The following RAB28 variants were observed in gnomAD, a reference collection of about 807,000 sequenced individuals.
RAB28 encodes RAB28, member RAS oncogene family, also known as ras-related protein Rab-28.
In RAB28, 24 loss-of-function variants were observed where a neutral mutation model predicts 31.7. The ratio of observed to expected loss-of-function variants is 0.76; its 90% CI spans 0.55 to 1.06. The LOEUF (loss-of-function observed/expected upper bound fraction) is 1.06. Ranked by LOEUF, RAB28 falls within the 50% of genes least tolerant of loss-of-function variation. The pLI is 0.00. For synonymous variants in RAB28, 100 were observed against 90.4 expected (o/e 1.11, Z -0.60); for missense variants, 254 against 258.5 (o/e 0.98, Z 0.12).
intron 6 of RAB28, chr4:13,370,980 C>T (rs1424951857): frequency 2.0e-6 from 2 of 982,850 alleles, no homozygotes; most frequent in African/African-American, 3.5e-5. Context: ...AACCTATCCT[C>T]GCTATCCATG....
In RAB28 at chr4:13,376,519, TTAAATA is replaced by T; in HGVS notation, c.573+20_573+25del. On this transcript the variant is annotated intron_variant, in intron 6 of 6. Coordinates refer to ENST00000330852, the MANE Select transcript of RAB28 (RefSeq NM_001017979.3). ...GCCTTGTAAGAAATTCATTAATTTT[TTAAATA>T]TAAAGTTCAAGGTAATCACCTGTGA... 1 of 1,527,570 alleles carries T rather than the reference TTAAATA, an allele frequency of 6.5e-7. No homozygotes were observed. Among genetic ancestry groups the T allele is most frequent in the Non-Finnish European group, 8.9e-7 (1 of 1,123,398 alleles). 94.6% of individuals were successfully genotyped at this position (1,527,570 alleles called of 1,614,324 possible).
rs185224064 is a variant in RAB28, at chr4:13,403,175, A to G, written c.392-21581T>C. On this transcript the variant is annotated intron_variant, in intron 4 of 6. Transcript: ENST00000330852. ...GCAGTCCTAGGAAAGACAGAAACAG[A>G]TAAGTGTGGCTCTATTCCTATAAAA... Among the ~76,000 whole-genome samples the G allele has an allele frequency of 2.9e-4, 44 of 152,328 alleles. 1 individual carries two copies. In the East Asian group the frequency reaches 7.3e-3, roughly 25 times the overall value.
chr4:13,463,045 T>A lies in RAB28; in HGVS notation c.262-2217A>T, dbSNP rs567585053. On this transcript the variant is annotated intron_variant, in intron 3 of 6. Coordinates refer to ENST00000330852, the MANE Select transcript of RAB28 (RefSeq NM_001017979.3). ...TTTTAAAATACCTGATATGCCTACA[T>A]TATAAAGTGAAATAACAAAAGTACT... Among the ~76,000 whole-genome samples, 31 of 152,288 alleles carry A rather than the reference T, an allele frequency of 2.0e-4. No homozygotes were observed. In the East Asian group the frequency reaches 6.0e-3, roughly 29 times the overall value.
intron 4 of RAB28, among the ~76,000 whole-genome samples, chr4:13,424,052 G>A (rs1053517761): frequency 1.2e-4 from 18 of 152,140 alleles, no homozygotes; most frequent in Non-Finnish European, 1.6e-4. Flanking sequence ...TCTATTCATC[G>A]GCCAATAAAA....
At chr4:13,413,767 G>A (rs188502248) in intron 4 of RAB28, among the ~76,000 whole-genome samples, 1 of 152,274 alleles carries the variant, frequency 6.6e-6, no homozygotes, top group East Asian at 1.9e-4. Context: ...TAAAGACAGA[G>A]AATGCCAAGT....
At chr4:13,401,991 G>C (rs1711791904) in intron 4 of RAB28, among the ~76,000 whole-genome samples, 1 of 152,158 alleles carries the variant, frequency 6.6e-6, no homozygotes, top group South Asian at 2.1e-4. Flanking sequence ...TCAATTCAAT[G>C]TATTTCCTCT....
At chr4:13,407,595 G>A (rs1382864890) in intron 4 of RAB28, among the ~76,000 whole-genome samples, 1 of 152,104 alleles carries the variant, frequency 6.6e-6, no homozygotes, top group Admixed American at 6.6e-5. Context: ...AAATCACTTT[G>A]GGCGATATGG....
intron 4 of RAB28, among the ~76,000 whole-genome samples, chr4:13,422,925 T>C (rs892270318): frequency 6.6e-6 from 1 of 151,194 alleles, no homozygotes; most frequent in African/African-American, 2.4e-5. Context: ...AAAAATAAAA[T>C]GCCTATCAAA....
At chr4:13,369,787 A>T in intron 6 of RAB28, 2 of 1,264,436 alleles carry the variant, frequency 1.6e-6, no homozygotes, top group Non-Finnish European at 2.1e-6. Context: ...GAACTTCCCT[A>T]TTCATAGGGA....
chr4:13,462,091 T>TA lies in RAB28; in HGVS notation c.262-1264dup, dbSNP rs1715617409. On this transcript the variant is annotated intron_variant, in intron 3 of 6. Transcript: ENST00000330852. ...TCCTACGGATTTAAGTTCCAAACCATAAGGAACTCACAGTCTTGCAGCAAA... is the reference window on the plus strand; with the variant it reads ...TCCTACGGATTTAAGTTCCAAACCATAAAGGAACTCACAGTCTTGCAGCAAA... Among the ~76,000 whole-genome samples, 3 of 152,290 alleles carry TA rather than the reference T, an allele frequency of 2.0e-5. No homozygotes were observed. The South Asian group carries it at 6.2e-4, about 32-fold the overall frequency.
At chr4:13,480,197 T>C (rs910182066) in intron 1 of RAB28, among the ~76,000 whole-genome samples, 1 of 151,730 alleles carries the variant, frequency 6.6e-6, no homozygotes, top group South Asian at 2.1e-4. Flanking sequence ...AGAACAGATA[T>C]ACATTTGTTT....
intron 3 of RAB28, among the ~76,000 whole-genome samples, chr4:13,467,716 G>T (rs190817484): frequency 6.6e-6 from 1 of 151,900 alleles, no homozygotes; most frequent in Non-Finnish European, 1.5e-5. Context: ...CAGAAAAAGA[G>T]GGGATAAGAA....
At chr4:13,463,678 C>A (rs1262065521) in intron 3 of RAB28, among the ~76,000 whole-genome samples, 1 of 152,108 alleles carries the variant, frequency 6.6e-6, no homozygotes, top group African/African-American at 2.4e-5. Flanking sequence ...GAAGGATAAA[C>A]TCCTGTTCAC....
chr4:13,425,050 C>T (rs1399761366), intron 4 of RAB28, among the ~76,000 whole-genome samples: 1 of 152,138 alleles, frequency 6.6e-6, no homozygotes, highest in Non-Finnish European at 1.5e-5. Flanking sequence ...TTGCTCTATA[C>T]AGATAAGAAA....
At chr4:13,478,241 A>C (rs1716454457) in intron 2 of RAB28, among the ~76,000 whole-genome samples, 1 of 151,648 alleles carries the variant, frequency 6.6e-6, no homozygotes, top group Non-Finnish European at 1.5e-5. Flanking sequence ...TTTTGGATAC[A>C]ATAAAAGAAA....
At chr4:13,451,483 CCT>C (rs1163411790) in intron 4 of RAB28, among the ~76,000 whole-genome samples, 2 of 150,654 alleles carry the variant, frequency 1.3e-5, no homozygotes, top group Non-Finnish European at 3.0e-5. Flanking sequence ...TTATTAATCC[CCT>C]GTTGGATAAG....
chr4:13,372,175 T>G (rs1728741508), intron 6 of RAB28, among the ~76,000 whole-genome samples: 1 of 152,096 alleles, frequency 6.6e-6, no homozygotes, highest in South Asian at 2.1e-4. Context: ...TAATCTCTGT[T>G]TTTTTGAGAT....
At chr4:13,401,337 T>G (rs1711739064) in intron 4 of RAB28, among the ~76,000 whole-genome samples, 1 of 152,052 alleles carries the variant, frequency 6.6e-6, no homozygotes, top group East Asian at 1.9e-4. Context: ...TGAGAACACA[T>G]GGACACAGGG....
At chr4:13,415,404 G>C (rs1034058194) in intron 4 of RAB28, among the ~76,000 whole-genome samples, 4 of 152,136 alleles carry the variant, frequency 2.6e-5, no homozygotes, top group Admixed American at 6.5e-5. Context: ...TGGAGGGAGA[G>C]GCGCAGGCGG....
Sources: allele counts gnomAD v4.1 joint callset (sites outside exome capture counted in the v4.1 genomes callset), GRCh38; gene constraint gnomAD v4.1.1; transcripts MANE v1.5; gene names NCBI Gene and HGNC (gene_info 2026-07-23, HGNC 2026-07-21).